The following EPPIN variants were observed in gnomAD, a reference collection of about 807,000 sequenced individuals.
EPPIN encodes epididymal peptidase inhibitor.
A neutral mutation model predicts 18.8 loss-of-function variants in EPPIN; 14 were observed. That is an observed-to-expected ratio of 0.75 (90% CI 0.49 to 1.17). The LOEUF is 1.17. Among genes scored for constraint, EPPIN ranks in the 50% most tolerant of loss-of-function variants. EPPIN has a pLI of 0.00. For synonymous variants in EPPIN, 57 were observed against 54.8 expected, an observed-to-expected ratio of 1.04 and a Z score of -0.18; for missense variants, 143 against 154.2, an observed-to-expected ratio of 0.93 and a Z score of 0.39.
chr20:45,545,443 A>T, intron 2 of EPPIN, 196 bp downstream of exon 2: 1 of 815,486 alleles, frequency 1.2e-6, no homozygotes, highest in Non-Finnish European at 1.9e-6. Context: ...CTCAGACATT[A>T]CCTGATAGGA....
At position 45,540,659 on chromosome 20, in the gene EPPIN, CAT is replaced by C. The variant is rs1450486517; in HGVS notation, c.*1483_*1484del. 6 of 152,100 alleles carry C rather than the reference CAT, an allele frequency of 3.9e-5. No individual in the cohort carries two copies. Among genetic ancestry groups the C allele is most frequent in the African/African-American group, 7.2e-5 (3 of 41,414 alleles). 9.4% of individuals were successfully genotyped at this position (152,100 alleles called of 1,614,324 possible). A position where few individuals can be genotyped will look rare whatever the true frequency, so the allele number is the denominator to read the frequency against. On this transcript the variant is annotated 3_prime_UTR_variant, in exon 4 of 4. Transcript: ENST00000354280. Reference sequence around the variant, plus strand: ...AGAAGACATTTATGCGGCCAACAAACATATGAAAAAAAGCTCAACACCAGTGA... The same window carrying C: ...AGAAGACATTTATGCGGCCAACAAACATGAAAAAAAGCTCAACACCAGTGA...
At chr20:45,546,500 G>C (rs1417394278) in intron 1 of EPPIN, 1 of 152,168 alleles carries the variant, frequency 6.6e-6, no homozygotes, top group Admixed American at 6.5e-5. Context: ...ACCATAAGCC[G>C]AGCACTCTTC....
Position 45,541,694 on chromosome 20 carries a change from T to C in EPPIN, c.*450A>G, listed in dbSNP as rs1979597070. ...AATCTTTTGTAGAAACAGAGGAAGA[T>C]AACAATAACAATATTCCTGGAACTC... On this transcript the variant is annotated 3_prime_UTR_variant, in exon 4 of 4. Coordinates refer to ENST00000354280, the MANE Select transcript of EPPIN (RefSeq NM_020398.4). The C allele has an allele frequency of 6.4e-6, 1 of 157,248 alleles. No homozygotes were observed. Among genetic ancestry groups the C allele is most frequent in the Non-Finnish European group, 1.4e-5 (1 of 71,208 alleles). The allele number at this position is 157,248 out of a possible 1,614,324, so 9.7% of individuals were successfully genotyped here.
At chr20:45,544,744 A>T (rs1164576102) in intron 2 of EPPIN, 1 of 152,086 alleles carries the variant, frequency 6.6e-6, no homozygotes, top group Non-Finnish European at 1.5e-5. Flanking sequence ...GAACCTGGTC[A>T]TATGATGCCC....
chr20:45,546,796 G>A (rs1352968029), intron 1 of EPPIN, among the ~76,000 whole-genome samples: 1 of 152,160 alleles, frequency 6.6e-6, no homozygotes, highest in Non-Finnish European at 1.5e-5. Flanking sequence ...CACAACTAAT[G>A]TGTCTTAAGT....
At chr20:45,542,549 T>G (rs1355236130) in intron 3 of EPPIN, 151 bp downstream of exon 3, 1 of 1,192,784 alleles carries the variant, frequency 8.4e-7, no homozygotes, top group Non-Finnish European at 1.2e-6. Context: ...GTCTTGCCTT[T>G]TGCCAGGTGC....
Position 45,540,810 on chromosome 20 carries a change from T to C in EPPIN, c.*1334A>G, listed in dbSNP as rs1979553876. 6.6e-6 allele frequency: 1 copy of C among 152,220 alleles called. No individual in the cohort carries two copies. 9.4% of individuals were successfully genotyped at this position (152,220 alleles called of 1,614,324 possible). A position where few individuals can be genotyped will look rare whatever the true frequency, so the allele number is the denominator to read the frequency against. On this transcript the variant is annotated 3_prime_UTR_variant, in exon 4 of 4. Transcript: ENST00000354280. ...AGCTGTGGAGAAACATGAATGCTTT[T>C]ACACTGTTGGGAATGTAAATTGGTT...
At chr20:45,542,329 G>T in intron 3 of EPPIN, 175 bp from the exon 4 acceptor site, 2 of 811,174 alleles carry the variant, frequency 2.5e-6, no homozygotes, top group Non-Finnish European at 3.8e-6. Flanking sequence ...CGCTGCCAAA[G>T]AGTTGTGTTG....
At chr20:45,545,815 G>A in intron 1 of EPPIN, 45 bp from the exon 2 acceptor site, 1 of 1,602,306 alleles carries the variant, frequency 6.2e-7, no homozygotes, top group Non-Finnish European at 8.5e-7. Flanking sequence ...AGAGAGCATA[G>A]TGTCTCCCCA....
At chr20:45,546,054 G>C (rs1384462445) in intron 1 of EPPIN, 1 of 486,200 alleles carries the variant, frequency 2.1e-6, no homozygotes, top group South Asian at 5.1e-5. Context: ...TCTTTGTTTG[G>C]GGGGCTGAAC....
intron 1 of EPPIN, 196 bp from the exon 2 acceptor site, chr20:45,545,966 C>T: frequency 1.4e-6 from 1 of 717,202 alleles, no homozygotes; most frequent in Non-Finnish European, 2.2e-6. Flanking sequence ...GACCTCTCCT[C>T]CCTCTATTCC....
At chr20:45,547,157 G>A in intron 1 of EPPIN, 110 bp downstream of exon 1, 1 of 1,476,196 alleles carries the variant, frequency 6.8e-7, no homozygotes, top group Non-Finnish European at 9.2e-7. Flanking sequence ...CCCAACCCGG[G>A]ACCTGGGCTA....
chr20:45,542,515 T>A, intron 3 of EPPIN, 185 bp downstream of exon 3: 1 of 844,936 alleles, frequency 1.2e-6, no homozygotes, highest in Non-Finnish European at 1.8e-6. Context: ...CATCCTCAGT[T>A]CCTCATACTC....
intron 2 of EPPIN, 70 bp downstream of exon 2, chr20:45,545,569 C>T: frequency 6.8e-6 from 11 of 1,606,478 alleles, no homozygotes; most frequent in Non-Finnish European, 9.4e-6. Flanking sequence ...GGGCACAAAG[C>T]CAGTCCAGGA....
At chr20:45,542,250 A>G (rs1054000419) in intron 3 of EPPIN, 96 bp from the exon 4 acceptor site, 2 of 1,528,574 alleles carry the variant, frequency 1.3e-6, no homozygotes, top group Non-Finnish European at 1.8e-6. Flanking sequence ...ACAGAAAGAC[A>G]CTAAAAAGTA....
chr20:45,545,765 A>C lies in EPPIN; in HGVS notation c.97T>G (p.Cys33Gly), dbSNP rs369542899. The C allele has an allele frequency of 6.2e-7, 1 of 1,613,968 alleles. No individual in the cohort carries two copies. The highest frequency in any genetic ancestry group is 8.5e-7 in the Non-Finnish European group (1 of 1,179,896). The change falls in exon 2 of 4, where the codon TGT becomes GGT. Residue 33 changes from cysteine to glycine, a missense_variant. Transcript: ENST00000354280. ...GLTDWLFPRR[C>G]PKIREECEFQ... ...TCACATTCTTCTCTGATTTTGGGAC[A>C]TCTCCCTAGGGAAAGAGCGGTTTTA...
rs1283001849 is a variant in EPPIN at position 45,545,724 on chromosome 20, A to C, written c.138T>G (p.Asp46Glu). ...GGCATTGTCTGTCCTTTGTACACAC[A>C]TCCCTTTCTTGGAATTCACATTCTT... Reference protein sequence around the residue: ...IREECEFQERDVCTKDRQCQD... With the variant: ...IREECEFQEREVCTKDRQCQD... The change falls in exon 2 of 4, where the codon GAT becomes GAG. Residue 46 changes from aspartate (D) to glutamate (E), a missense_variant. Coordinates refer to ENST00000354280, the MANE Select transcript of EPPIN (RefSeq NM_020398.4). 1 of 1,614,070 alleles carries C rather than the reference A, an allele frequency of 6.2e-7. No homozygotes were observed. Among genetic ancestry groups the C allele is most frequent in the Non-Finnish European group, 8.5e-7 (1 of 1,179,944 alleles).
intron 2 of EPPIN, 146 bp downstream of exon 2, chr20:45,545,493 T>A (rs2082236330): frequency 1.4e-6 from 2 of 1,381,914 alleles, no homozygotes; most frequent in Non-Finnish European, 2.0e-6. Flanking sequence ...TTTGGCACAG[T>A]AATGAATCTA....
chr20:45,542,543 T>A (rs6104200), intron 3 of EPPIN, 157 bp downstream of exon 3: 21,078 of 1,120,118 alleles, frequency 0.019, 954 homozygotes, highest in African/African-American at 0.13. Flanking sequence ...AACTTTGTCT[T>A]GCCTTTTGCC....
Sources: allele counts gnomAD v4.1 joint callset (sites outside exome capture counted in the v4.1 genomes callset), GRCh38; gene constraint gnomAD v4.1.1; transcripts MANE v1.5; gene names NCBI Gene and HGNC (gene_info 2026-07-23, HGNC 2026-07-21).